TMEM163: variants seen among roughly 807,000 people sequenced by gnomAD.
TMEM163 encodes the protein transmembrane protein 163.
In TMEM163, 17 loss-of-function variants were observed where a neutral mutation model predicts 29.3. That is an observed-to-expected ratio of 0.58 (90% CI 0.40 to 0.87). TMEM163 has a LOEUF of 0.87. Ranked by LOEUF, TMEM163 falls within the 40% of genes least tolerant of loss-of-function variation. TMEM163 has a pLI of 0.00. For synonymous variants in TMEM163, 157 were observed against 160.6 expected (o/e 0.98, Z 0.17); for missense variants, 303 against 381.5 (o/e 0.79, Z 1.71).
chr2:134,538,387 C>A (rs1046281209), intron 4 of TMEM163, among the ~76,000 whole-genome samples: 2 of 152,178 alleles, frequency 1.3e-5, no homozygotes, highest in Non-Finnish European at 2.9e-5. Flanking sequence ...TGTTTATAAG[C>A]CACCCAGTCT....
chr2:134,512,722 A>T (rs1679977239), intron 4 of TMEM163, among the ~76,000 whole-genome samples: 1 of 152,240 alleles, frequency 6.6e-6, no homozygotes, highest in African/African-American at 2.4e-5. Context: ...AGTAAGAAAG[A>T]GGGAGAATGG....
intron 2 of TMEM163, among the ~76,000 whole-genome samples, chr2:134,665,406 G>A (rs764979059): frequency 4.6e-5 from 7 of 152,078 alleles, no homozygotes; most frequent in Admixed American, 3.3e-4. Context: ...TCATGAGAAC[G>A]GCACGGGAAA....
At chr2:134,552,942 G>A (rs1026984840) in intron 2 of TMEM163, among the ~76,000 whole-genome samples, 2 of 152,082 alleles carry the variant, frequency 1.3e-5, no homozygotes, top group African/African-American at 2.4e-5. Flanking sequence ...TTACAGGTGT[G>A]AGCCACCACA....
rs183056773 is a variant in TMEM163, at chr2:134,509,863, T to C, written c.459-6866A>G. Among the ~76,000 whole-genome samples, 8 of 152,300 alleles carry C rather than the reference T, an allele frequency of 5.3e-5. No individual in the cohort carries two copies. The East Asian group carries it at 1.5e-3, about 29-fold the overall frequency. On this transcript the variant is annotated intron_variant, in intron 4 of 7. Coordinates refer to ENST00000281924, the MANE Select transcript of TMEM163 (RefSeq NM_030923.5). ...TGCGACATCTAAGCTGGGTGTACAATGGACAGGAATCATGAAGCAGAGAAA... is the reference window on the plus strand; with the variant it reads ...TGCGACATCTAAGCTGGGTGTACAACGGACAGGAATCATGAAGCAGAGAAA...
At chr2:134,699,633 A>T (rs992615271) in intron 2 of TMEM163, among the ~76,000 whole-genome samples, 2 of 152,216 alleles carry the variant, frequency 1.3e-5, no homozygotes, top group African/African-American at 4.8e-5. Flanking sequence ...TTTGAAAAAC[A>T]CTGAATTCCA....
At chr2:134,633,323 C>T (rs1683023023) in intron 2 of TMEM163, among the ~76,000 whole-genome samples, 2 of 152,048 alleles carry the variant, frequency 1.3e-5, no homozygotes, top group South Asian at 4.1e-4. Context: ...CATGAGATGA[C>T]AGAGACATGA....
intron 4 of TMEM163, among the ~76,000 whole-genome samples, chr2:134,529,835 A>G (rs1680381798): frequency 6.6e-6 from 1 of 152,062 alleles, no homozygotes; most frequent in Non-Finnish European, 1.5e-5. Context: ...TGTTATTTAG[A>G]CTATATGTAT....
intron 5 of TMEM163, among the ~76,000 whole-genome samples, chr2:134,481,623 T>C (rs945681578): frequency 5.9e-5 from 9 of 152,070 alleles, no homozygotes; most frequent in Non-Finnish European, 1.2e-4. Flanking sequence ...AGCGTGAAAA[T>C]GGACTAATAT....
intron 2 of TMEM163, among the ~76,000 whole-genome samples, chr2:134,675,502 T>C (rs1336893985): frequency 6.6e-6 from 1 of 152,116 alleles, no homozygotes; most frequent in Non-Finnish European, 1.5e-5. Flanking sequence ...GGAACAGCAG[T>C]AAGATATGTG....
At chr2:134,696,457 T>C (rs1231860791) in intron 2 of TMEM163, among the ~76,000 whole-genome samples, 1 of 152,230 alleles carries the variant, frequency 6.6e-6, no homozygotes, top group Non-Finnish European at 1.5e-5. Flanking sequence ...GAATTCTTAG[T>C]GAAATTGCAT....
At chr2:134,485,216 C>A (rs1679281529) in intron 5 of TMEM163, among the ~76,000 whole-genome samples, 1 of 152,218 alleles carries the variant, frequency 6.6e-6, no homozygotes, top group African/African-American at 2.4e-5. Flanking sequence ...ATCCAGAACA[C>A]TTACATTAGC....
chr2:134,477,177 C>T (rs1227568069), intron 5 of TMEM163, among the ~76,000 whole-genome samples: 1 of 152,158 alleles, frequency 6.6e-6, no homozygotes, highest in African/African-American at 2.4e-5. Flanking sequence ...CAGTGTCAGT[C>T]GCACTGCTGG....
intron 2 of TMEM163, among the ~76,000 whole-genome samples, chr2:134,567,270 TG>T (rs1681317042): frequency 6.6e-6 from 1 of 152,220 alleles, no homozygotes. Context: ...CTGACTTAAA[TG>T]GGATTTGGCC....
At chr2:134,630,109 A>G (rs567700362) in intron 2 of TMEM163, among the ~76,000 whole-genome samples, 12 of 152,336 alleles carry the variant, frequency 7.9e-5, no homozygotes, top group Admixed American at 2.6e-4. Flanking sequence ...TAACTGAGTA[A>G]CAATCTGGGC....
intron 2 of TMEM163, 64 bp from the exon 3 acceptor site, chr2:134,552,155 T>C (rs2106508047): frequency 2.3e-6 from 3 of 1,309,858 alleles, no homozygotes; most frequent in Non-Finnish European, 3.2e-6. Context: ...AGTATATTAA[T>C]ACATTACATG....
intron 2 of TMEM163, among the ~76,000 whole-genome samples, chr2:134,554,334 G>T (rs1224252826): frequency 6.7e-6 from 1 of 148,652 alleles, no homozygotes; most frequent in African/African-American, 2.5e-5. Context: ...GCTGAGGCAG[G>T]AGAATCACTT....
intron 7 of TMEM163, 105 bp downstream of exon 7, chr2:134,457,927 C>G (rs937497358): frequency 6.4e-7 from 1 of 1,556,724 alleles, no homozygotes; most frequent in Non-Finnish European, 8.7e-7. Flanking sequence ...GGCACAGGTA[C>G]AAAATATGAC....
rs184732033 is a variant in TMEM163, at chr2:134,686,925, G to C, written c.322+26275C>G. Among the ~76,000 whole-genome samples, 4 of 152,318 alleles carry C rather than the reference G, an allele frequency of 2.6e-5. No homozygotes were observed. In the East Asian group the frequency reaches 7.7e-4, roughly 29 times the overall value. ...CCTGGCCATCCAAAGAAGTGCAGAT[G>C]AAAATTGCAGACACAGTGAGTTACA... On this transcript the variant is annotated intron_variant, in intron 2 of 7. Coordinates refer to ENST00000281924, the MANE Select transcript of TMEM163 (RefSeq NM_030923.5).
chr2:134,495,464 TG>T (rs1387691213), intron 5 of TMEM163, among the ~76,000 whole-genome samples: 1 of 152,192 alleles, frequency 6.6e-6, no homozygotes, highest in Admixed American at 6.5e-5. Context: ...AATAAATGGC[TG>T]AAGAACATAT....
Sources: allele counts gnomAD v4.1 joint callset (sites outside exome capture counted in the v4.1 genomes callset), GRCh38; gene constraint gnomAD v4.1.1; transcripts MANE v1.5; gene names NCBI Gene and HGNC (gene_info 2026-07-23, HGNC 2026-07-21).